The following SLC2A13 variants were observed in gnomAD, a reference collection of about 807,000 sequenced individuals.
The protein encoded by SLC2A13 is solute carrier family 2 member 13.
SLC2A13 carries 32 observed loss-of-function variants against 64.4 expected under a neutral mutation model. That is an observed-to-expected ratio of 0.50 (90% CI 0.37 to 0.67). SLC2A13 has a LOEUF of 0.67. SLC2A13 is among the 30% of genes least tolerant of loss of function. The pLI is 0.00. For missense variants in SLC2A13, 743 were observed against 829.2 expected, an observed-to-expected ratio of 0.90 and a Z score of 1.28; for synonymous variants, 338 against 327.1, an observed-to-expected ratio of 1.03 and a Z score of -0.36.
intron 6 of SLC2A13, among the ~76,000 whole-genome samples, chr12:39,844,270 T>C (rs1488731419): frequency 6.6e-6 from 1 of 152,048 alleles, no homozygotes; most frequent in Non-Finnish European, 1.5e-5. Context: ...TTTCAAGGCA[T>C]AGGGTAGATA....
intron 3 of SLC2A13, among the ~76,000 whole-genome samples, chr12:39,986,699 CA>C (rs144185678): frequency 8.3e-4 from 115 of 138,276 alleles, no homozygotes; most frequent in Non-Finnish European, 8.3e-4. Context: ...TCTTAGCAGA[CA>C]AAAAAAAAAA....
chr12:40,029,212 C>T (rs1022367833), intron 2 of SLC2A13, among the ~76,000 whole-genome samples: 8 of 152,090 alleles, frequency 5.3e-5, no homozygotes, highest in African/African-American at 1.7e-4. Flanking sequence ...TTTTAACTCC[C>T]TCCAAGAAAT....
intron 1 of SLC2A13, among the ~76,000 whole-genome samples, chr12:40,059,021 C>T (rs1473937558): frequency 1.3e-5 from 2 of 152,292 alleles, no homozygotes; most frequent in African/African-American, 4.8e-5. Flanking sequence ...CAGAGCCTAG[C>T]TCTTGTACAA....
chr12:39,895,508 AAAAAATTATATATATATAT>A (rs1484806350), intron 4 of SLC2A13, among the ~76,000 whole-genome samples: 2 of 49,716 alleles, frequency 4.0e-5, no homozygotes, highest in African/African-American at 1.6e-4. Flanking sequence ...AAAAAAAAAA[AAAAAATTATATATATATAT>A]ATATATATAT....
chr12:40,092,859 C>A (rs1433126081), intron 1 of SLC2A13, among the ~76,000 whole-genome samples: 1 of 152,230 alleles, frequency 6.6e-6, no homozygotes, highest in Non-Finnish European at 1.5e-5. Flanking sequence ...TGCCTTTCCA[C>A]TCCTGCTTTA....
At chr12:39,922,760 AT>A (rs2136058161) in intron 4 of SLC2A13, among the ~76,000 whole-genome samples, 1 of 152,234 alleles carries the variant, frequency 6.6e-6, no homozygotes, top group East Asian at 1.9e-4. Context: ...TTTTCACTAA[AT>A]ACTGCCTCTA....
intron 6 of SLC2A13, among the ~76,000 whole-genome samples, chr12:39,836,075 GA>G (rs1942995553): frequency 6.6e-6 from 1 of 152,090 alleles, no homozygotes; most frequent in Non-Finnish European, 1.5e-5. Context: ...AGAAAAGCCA[GA>G]GAAAGAAAGA....
chr12:39,875,043 C>T (rs1023160116), intron 4 of SLC2A13, among the ~76,000 whole-genome samples: 10 of 152,198 alleles, frequency 6.6e-5, no homozygotes, highest in Non-Finnish European at 1.2e-4. Flanking sequence ...TTTTCATCTT[C>T]CTTTCTCTAA....
intron 7 of SLC2A13, among the ~76,000 whole-genome samples, chr12:39,827,481 A>G (rs1045102428): frequency 2.6e-5 from 4 of 152,150 alleles, no homozygotes; most frequent in African/African-American, 4.8e-5. Context: ...TCTCACCTGT[A>G]AGGCTTATAT....
intron 3 of SLC2A13, among the ~76,000 whole-genome samples, chr12:39,981,306 G>T (rs1946889430): frequency 6.6e-6 from 1 of 151,450 alleles, no homozygotes; most frequent in Admixed American, 6.6e-5. Context: ...CTAGCAGAAG[G>T]CAAGAAATAA....
chr12:39,849,012 G>A (rs753805298), intron 6 of SLC2A13, among the ~76,000 whole-genome samples: 14 of 152,002 alleles, frequency 9.2e-5, no homozygotes, highest in Non-Finnish European at 4.4e-5. Flanking sequence ...CAGACACTGG[G>A]GTCTACTTGA....
intron 4 of SLC2A13, among the ~76,000 whole-genome samples, chr12:39,920,469 T>C (rs1257753150): frequency 2.0e-5 from 3 of 152,090 alleles, no homozygotes; most frequent in African/African-American, 7.3e-5. Flanking sequence ...ACCATTGTAC[T>C]TTTCACTCTC....
At chr12:39,888,444 C>G (rs1170051668) in intron 4 of SLC2A13, among the ~76,000 whole-genome samples, 1 of 152,156 alleles carries the variant, frequency 6.6e-6, no homozygotes, top group African/African-American at 2.4e-5. Context: ...AGGCTGAACT[C>G]GAACTGCTGA....
At chr12:39,928,707 G>C (rs1243803730) in intron 4 of SLC2A13, among the ~76,000 whole-genome samples, 1 of 152,132 alleles carries the variant, frequency 6.6e-6, no homozygotes. Context: ...ATTAAAGTTT[G>C]TATGCAAGGA....
At chr12:39,931,203 G>A (rs1945820419) in intron 4 of SLC2A13, among the ~76,000 whole-genome samples, 1 of 152,038 alleles carries the variant, frequency 6.6e-6, no homozygotes, top group South Asian at 2.1e-4. Context: ...ACAATCTTGC[G>A]CCCCCTCCCT....
intron 7 of SLC2A13, among the ~76,000 whole-genome samples, chr12:39,778,217 T>C (rs1387144331): frequency 6.6e-6 from 1 of 152,174 alleles, no homozygotes; most frequent in Non-Finnish European, 1.5e-5. Context: ...AACGTACTCA[T>C]TTTATAGAGG....
At chr12:40,082,601 G>A (rs1326547712) in intron 1 of SLC2A13, among the ~76,000 whole-genome samples, 3 of 152,186 alleles carry the variant, frequency 2.0e-5, no homozygotes, top group African/African-American at 7.2e-5. Flanking sequence ...AGCAAGATAT[G>A]CTCTGTCCAG....
intron 1 of SLC2A13, among the ~76,000 whole-genome samples, chr12:40,053,943 C>T (rs17489295): frequency 0.023 from 3,482 of 152,230 alleles, 140 homozygotes; most frequent in African/African-American, 0.079. Context: ...ATCTACTTTC[C>T]ACTTTGGGAA....
At chr12:39,896,249 CATGTATGTATATGTGTGTATATAT>C (rs1565527603) in intron 4 of SLC2A13, among the ~76,000 whole-genome samples, 9 of 92,524 alleles carry the variant, frequency 9.7e-5, no homozygotes, top group Admixed American at 4.4e-4. Context: ...TATATGTATA[CATGTATGTATATGTGTGTATATAT>C]GTATACATGT....
Sources: gnomAD v4.1 joint callset for allele counts (sites outside exome capture counted in the v4.1 genomes callset) on GRCh38, gnomAD v4.1.1 for gene constraint, MANE v1.5 for transcripts, NCBI Gene and HGNC (gene_info 2026-07-23, HGNC 2026-07-21) for gene names.